Variants in ERO1A observed in about 807,000 individuals in gnomAD.
ERO1A encodes endoplasmic reticulum oxidoreductase 1 alpha.
In ERO1A, 49 loss-of-function variants were observed where a neutral mutation model predicts 76.9. The observed-to-expected ratio is 0.64, with a 90% CI of 0.51 to 0.81. The LOEUF (loss-of-function observed/expected upper bound fraction) is 0.81, where lower values mean the gene tolerates loss of function less well. ERO1A is among the 30% of genes least tolerant of loss of function. The probability of loss-of-function intolerance (pLI) is 0.00; values close to 1 mark genes in which losing one functional copy is unlikely to be tolerated. For missense variants in ERO1A, 448 were observed against 542.1 expected (o/e 0.83, Z 1.72); for synonymous variants, 174 against 181.2 (o/e 0.96, Z 0.32).
intron 9 of ERO1A, among the ~76,000 whole-genome samples, chr14:52,660,714 G>C (rs1276378577): frequency 6.6e-6 from 1 of 152,200 alleles, no homozygotes; most frequent in Admixed American, 6.5e-5. Flanking sequence ...ATTTCACCTA[G>C]ATAGACTAAA....
rs929317046 is a variant in ERO1A, at chr14:52,641,482, C to T, written c.*2088G>A. 17 of 150,822 alleles carry T rather than the reference C, an allele frequency of 1.1e-4. No individual in the cohort carries two copies. Among genetic ancestry groups the T allele is most frequent in the East Asian group, 3.9e-4 (2 of 5,164 alleles). 9.3% of individuals were successfully genotyped at this position (150,822 alleles called of 1,614,324 possible). ...AAAAAAAATTAGCCGGGCGTGGTGG[C>T]GGGCGCCTGTAGTCCCAGCTACTCA... On this transcript the variant is annotated 3_prime_UTR_variant, in exon 16 of 16. Coordinates refer to ENST00000395686, the MANE Select transcript of ERO1A (RefSeq NM_014584.3).
chr14:52,676,969 GA>G (rs1398896271), intron 4 of ERO1A, among the ~76,000 whole-genome samples: 1 of 151,242 alleles, frequency 6.6e-6, no homozygotes, highest in African/African-American at 2.4e-5. Context: ...AAGAAACTCA[GA>G]AAAAATGATA....
chr14:52,645,986 A>G (rs1293756689), intron 15 of ERO1A, among the ~76,000 whole-genome samples, 168 bp downstream of exon 15: 1 of 152,172 alleles, frequency 6.6e-6, no homozygotes, highest in Non-Finnish European at 1.5e-5. Flanking sequence ...CAGTGAGCCG[A>G]GATCACGCCA....
At chr14:52,647,618 A>G (rs1478140373) in intron 13 of ERO1A, among the ~76,000 whole-genome samples, 1 of 152,130 alleles carries the variant, frequency 6.6e-6, no homozygotes. Flanking sequence ...ATCATTTATA[A>G]TAGGGCGACA....
chr14:52,693,002 C>CTTTTTTTTTTTT (rs559143853), intron 1 of ERO1A, among the ~76,000 whole-genome samples: 3 of 85,710 alleles, frequency 3.5e-5, no homozygotes, highest in African/African-American at 9.2e-5. Context: ...AAATAGACAA[C>CTTTTTTTTTTTT]TTTTTTTTTT....
rs140188665 is a variant in ERO1A, at chr14:52,656,462, G to C, written c.808+1455C>G. On this transcript the variant is annotated intron_variant, in intron 11 of 15. Coordinates refer to ENST00000395686, the MANE Select transcript of ERO1A (RefSeq NM_014584.3). ...GCAGTGGCTGAAGCCTGTAATCCCA[G>C]CACTTTGGGAGGCCAAGGCGGGTGG... Among the ~76,000 whole-genome samples, 683 of 152,272 alleles carry C rather than the reference G, an allele frequency of 4.5e-3. 4 individuals carry two copies. The highest frequency in any genetic ancestry group is 0.016 in the African/African-American group (663 of 41,558).
At chr14:52,664,008 C>A in intron 7 of ERO1A, 161 bp from the exon 8 acceptor site, 2 of 481,034 alleles carry the variant, frequency 4.2e-6, no homozygotes, top group South Asian at 6.4e-5. Flanking sequence ...GGGAGGGTGG[C>A]TATTTGTTGT....
At chr14:52,685,403 T>C (rs943940459) in intron 1 of ERO1A, among the ~76,000 whole-genome samples, 18 of 152,200 alleles carry the variant, frequency 1.2e-4, no homozygotes, top group African/African-American at 4.1e-4. Flanking sequence ...TACACAAGAA[T>C]CTCAGAGTCC....
rs770673017 is a variant in ERO1A, at chr14:52,661,272, T to C, written c.688+21A>G. 11 of 1,051,272 alleles carry C rather than the reference T, an allele frequency of 1.0e-5. No individual in the cohort carries two copies. In the African/African-American group the frequency reaches 1.8e-4, roughly 18 times the overall value. 65.1% of individuals were successfully genotyped at this position (1,051,272 alleles called of 1,614,324 possible). On this transcript the variant is annotated intron_variant, in intron 9 of 15. Transcript: ENST00000395686. ...TGTATAAACAAATTCATATATGTAA[T>C]ATATAATAAATTATACTTACCTTCA...
At chr14:52,682,541 G>T in intron 2 of ERO1A, 133 bp from the exon 3 acceptor site, 1 of 634,042 alleles carries the variant, frequency 1.6e-6, no homozygotes, top group Non-Finnish European at 2.7e-6. Flanking sequence ...CCTATCTGTT[G>T]CCAGTTTATA....
At chr14:52,669,536 G>C (rs78922419) in intron 6 of ERO1A, among the ~76,000 whole-genome samples, 1 of 152,098 alleles carries the variant, frequency 6.6e-6, no homozygotes, top group African/African-American at 2.4e-5. Context: ...GGGACCATGC[G>C]TGTCTCGGCT....
chr14:52,677,864 TAAAA>T (rs71267893), intron 4 of ERO1A, among the ~76,000 whole-genome samples: 2 of 87,136 alleles, frequency 2.3e-5, no homozygotes, highest in Non-Finnish European at 4.2e-5. Flanking sequence ...CCTTTTATCT[TAAAA>T]AAAAAAAAAA....
In ERO1A at chr14:52,655,924, T is replaced by C. The variant is rs533900908; in HGVS notation, c.808+1993A>G. 3.9e-5 allele frequency among the ~76,000 whole-genome samples: 6 copies of C among 152,324 alleles called. No homozygotes were observed. The South Asian group carries it at 1.2e-3, about 32-fold the overall frequency. On this transcript the variant is annotated intron_variant, in intron 11 of 15. Transcript: ENST00000395686. Reference sequence around the variant, plus strand: ...TGTATATTTATTTTGTAAAACATAATGTTTGGAAGTATATATACATTGTTA... The same window carrying C: ...TGTATATTTATTTTGTAAAACATAACGTTTGGAAGTATATATACATTGTTA...
intron 1 of ERO1A, among the ~76,000 whole-genome samples, chr14:52,689,403 C>A (rs528239685): frequency 6.6e-6 from 1 of 152,188 alleles, no homozygotes; most frequent in South Asian, 2.1e-4. Flanking sequence ...ATCCTAAAGA[C>A]TCCACCAGAA....
At chr14:52,666,266 T>C (rs1039500589) in intron 7 of ERO1A, 109 bp downstream of exon 7, 3 of 808,834 alleles carry the variant, frequency 3.7e-6, no homozygotes, top group Non-Finnish European at 5.8e-6. Context: ...TACAAACACA[T>C]CTTTTAACAA....
At chr14:52,677,177 A>C (rs2040813730) in intron 4 of ERO1A, among the ~76,000 whole-genome samples, 1 of 152,188 alleles carries the variant, frequency 6.6e-6, no homozygotes, top group Non-Finnish European at 1.5e-5. Context: ...TGGCTAATGC[A>C]ACCAGGTAAT....
At chr14:52,650,077 G>T (rs905955204) in intron 13 of ERO1A, among the ~76,000 whole-genome samples, 1 of 151,712 alleles carries the variant, frequency 6.6e-6, no homozygotes, top group African/African-American at 2.4e-5. Context: ...AAGTTAGCAG[G>T]GCATAGTGGT....
At chr14:52,647,513 C>G (rs1294096961) in intron 13 of ERO1A, among the ~76,000 whole-genome samples, 2 of 151,896 alleles carry the variant, frequency 1.3e-5, no homozygotes, top group Non-Finnish European at 2.9e-5. Flanking sequence ...GTCCCATATC[C>G]CACCCTCTAC....
intron 3 of ERO1A, 32 bp downstream of exon 3, chr14:52,682,293 T>G: frequency 7.0e-7 from 1 of 1,433,862 alleles, no homozygotes; most frequent in Non-Finnish European, 9.6e-7. Flanking sequence ...AAAAAACATG[T>G]AACAGTTTTT....
Sources: gnomAD v4.1 joint callset for allele counts (sites outside exome capture counted in the v4.1 genomes callset) on GRCh38, gnomAD v4.1.1 for gene constraint, MANE v1.5 for transcripts, NCBI Gene and HGNC (gene_info 2026-07-23, HGNC 2026-07-21) for gene names.